Variants in KIF16B observed in about 807,000 individuals in gnomAD.
KIF16B encodes the protein kinesin-like protein KIF16B.
KIF16B carries 98 observed loss-of-function variants against 156.3 expected under a neutral mutation model. The observed-to-expected ratio is 0.63, with a 90% CI of 0.53 to 0.74. The LOEUF (loss-of-function observed/expected upper bound fraction) is 0.74. Ranked by LOEUF, KIF16B falls within the 30% of genes least tolerant of loss-of-function variation. The pLI is 0.00. For missense variants in KIF16B, 1,421 were observed against 1,606.5 expected (o/e 0.88, Z 1.97); for synonymous variants, 564 against 583.7 (o/e 0.97, Z 0.49).
rs80238722 is a variant in KIF16B at position 16,543,794 on chromosome 20, A to G, written c.48-15354T>C. 4.0e-3 allele frequency among the ~76,000 whole-genome samples: 616 copies of G among 152,290 alleles called. 8 individuals carry two copies. The highest frequency in any genetic ancestry group is 0.014 in the African/African-American group (584 of 41,560). On this transcript the variant is annotated intron_variant, in intron 1 of 25. Coordinates refer to ENST00000354981, the MANE Select transcript of KIF16B (RefSeq NM_024704.5). Reference sequence around the variant, plus strand: ...GACAAGAGATGGACTTGGAAGAAGGAGACTTAGCCCATGACATCACCTCAC... The same window carrying G: ...GACAAGAGATGGACTTGGAAGAAGGGGACTTAGCCCATGACATCACCTCAC...
At chr20:16,326,562 T>G (rs564581000) in intron 24 of KIF16B, among the ~76,000 whole-genome samples, 4 of 151,894 alleles carry the variant, frequency 2.6e-5, no homozygotes, top group Admixed American at 1.3e-4. Context: ...AACAAACTTA[T>G]GAAAAAATGC....
intron 23 of KIF16B, among the ~76,000 whole-genome samples, chr20:16,351,712 C>T (rs748379761): frequency 1.3e-5 from 2 of 152,184 alleles, no homozygotes; most frequent in African/African-American, 4.8e-5. Flanking sequence ...CAGTCCCAGA[C>T]GGATGTGCTA....
rs368004941 is a variant in KIF16B at position 16,341,108 on chromosome 20, A to G, written c.3622-5093T>C. Among the ~76,000 whole-genome samples the G allele has an allele frequency of 9.5e-4, 144 of 152,312 alleles. 5 individuals carry two copies. In the South Asian group the frequency reaches 0.029, roughly 31 times the overall value. On this transcript the variant is annotated intron_variant, in intron 23 of 25. Coordinates refer to ENST00000354981, the MANE Select transcript of KIF16B (RefSeq NM_024704.5). ...GAGAAAGAAAGATGGCCCAATGTGG[A>G]AAGAACTTAGCCTGCCCAAAGCTAC...
In KIF16B at chr20:16,437,492, A is replaced by G. The variant is rs118033620; in HGVS notation, c.1303-7510T>C. On this transcript the variant is annotated intron_variant, in intron 12 of 25. Transcript: ENST00000354981. The stretch of plus-strand genomic sequence containing the variant: ...GTATAGGGTGAATAAGAACAGAGTA[A>G]AAAGGGGGATGGGATTAGAATGGAA... 3.0e-4 allele frequency among the ~76,000 whole-genome samples: 45 copies of G among 152,294 alleles called. No individual in the cohort carries two copies. In the East Asian group the frequency reaches 7.9e-3, roughly 27 times the overall value.
chr20:16,474,641 C>T (rs1392609510), intron 12 of KIF16B, among the ~76,000 whole-genome samples: 1 of 152,162 alleles, frequency 6.6e-6, no homozygotes, highest in Admixed American at 6.5e-5. Flanking sequence ...TACTCCTTTG[C>T]CCTTCCCCAT....
At position 16,315,111 on chromosome 20, in the gene KIF16B, A is replaced by G. The variant is rs577661456; in HGVS notation, c.3712-2693T>C. On this transcript the variant is annotated intron_variant, in intron 24 of 25. Transcript: ENST00000354981. ...CAATCAGAAGTCGTGCAATAAAAGG[A>G]CTTTAGGCAGTGGAAGCGGGGAGGG... is the stretch of plus-strand genomic sequence containing the variant. Among the ~76,000 whole-genome samples the G allele has an allele frequency of 2.6e-5, 4 of 152,174 alleles. No homozygotes were observed. The South Asian group carries it at 8.3e-4, about 32-fold the overall frequency.
intron 17 of KIF16B, among the ~76,000 whole-genome samples, chr20:16,392,983 G>T (rs906127183): frequency 6.6e-6 from 1 of 152,108 alleles, no homozygotes; most frequent in Non-Finnish European, 1.5e-5. Context: ...TTAATGATTA[G>T]TCAAAAGTTA....
intron 1 of KIF16B, among the ~76,000 whole-genome samples, chr20:16,555,664 G>A (rs2070820569): frequency 6.6e-6 from 1 of 152,162 alleles, no homozygotes; most frequent in African/African-American, 2.4e-5. Context: ...TAAGAAGATG[G>A]TATAGAAAAA....
chr20:16,456,655 T>C (rs1211228493), intron 12 of KIF16B, among the ~76,000 whole-genome samples: 1 of 152,136 alleles, frequency 6.6e-6, no homozygotes, highest in African/African-American at 2.4e-5. Flanking sequence ...TGTACCCAGA[T>C]TGGACCTTAA....
At chr20:16,508,127 G>A (rs770316848) in intron 6 of KIF16B, 27 bp from the exon 7 acceptor site, 1 of 1,610,190 alleles carries the variant, frequency 6.2e-7, no homozygotes, top group African/African-American at 1.3e-5. Flanking sequence ...AAGGGGTGAA[G>A]AAATCCCCCT....
rs778636785 is a variant in KIF16B, at chr20:16,497,639, C to T, written c.1216G>A (p.Glu406Lys). 1.2e-6 allele frequency: 2 copies of T among 1,611,658 alleles called. No homozygotes were observed. Among genetic ancestry groups the T allele is most frequent in the Non-Finnish European group, 8.5e-7 (1 of 1,177,998 alleles). Reference protein sequence around the residue: ...LDSPTALSMEEKLQQNEARVQ... With the variant: ...LDSPTALSMEKKLQQNEARVQ... Reference sequence around the variant, plus strand: ...CTTGCTTCATTCTGCTGAAGTTTTTCCTCCATACTTAAAGCTGTGGGGGAG... The same window carrying T: ...CTTGCTTCATTCTGCTGAAGTTTTTTCTCCATACTTAAAGCTGTGGGGGAG... Residue 406 changes from glutamate to lysine, a missense_variant, in exon 11 of 26, where the codon GAA (glutamate) becomes AAA (lysine). Transcript: ENST00000354981.
chr20:16,290,552 G>C (rs2063299835), intron 25 of KIF16B, among the ~76,000 whole-genome samples: 1 of 152,032 alleles, frequency 6.6e-6, no homozygotes, highest in Non-Finnish European at 1.5e-5. Context: ...CCTGTGTTTT[G>C]TTCTCTGGAC....
intron 1 of KIF16B, among the ~76,000 whole-genome samples, chr20:16,558,277 A>C (rs1409174436): frequency 6.6e-6 from 1 of 152,224 alleles, no homozygotes; most frequent in Non-Finnish European, 1.5e-5. Context: ...CCTGTTGGGT[A>C]TAGAATTGTT....
chr20:16,508,880 A>G (rs904018263), intron 6 of KIF16B, among the ~76,000 whole-genome samples: 45 of 152,234 alleles, frequency 3.0e-4, no homozygotes, highest in African/African-American at 1.1e-3. Flanking sequence ...AAATTATTTT[A>G]TTAACTTTTT....
intron 15 of KIF16B, among the ~76,000 whole-genome samples, chr20:16,412,482 T>C (rs1028910196): frequency 6.6e-6 from 1 of 152,150 alleles, no homozygotes; most frequent in African/African-American, 2.4e-5. Flanking sequence ...CTGGGTAATT[T>C]ATAAAGTAAA....
At chr20:16,343,296 T>C (rs2064173466) in intron 23 of KIF16B, among the ~76,000 whole-genome samples, 1 of 152,196 alleles carries the variant, frequency 6.6e-6, no homozygotes, top group Admixed American at 6.5e-5. Flanking sequence ...TTCCCACAAA[T>C]TTATGTTATA....
At chr20:16,442,740 G>T (rs12624939) in intron 12 of KIF16B, among the ~76,000 whole-genome samples, 1,876 of 152,234 alleles carry the variant, frequency 0.012, 33 homozygotes, top group African/African-American at 0.03. Context: ...GATGTTAGAG[G>T]TTAATCCCTA....
At chr20:16,352,394 A>G (rs974604535) in intron 23 of KIF16B, among the ~76,000 whole-genome samples, 2 of 152,242 alleles carry the variant, frequency 1.3e-5, no homozygotes, top group Non-Finnish European at 2.9e-5. Flanking sequence ...GGTATAGAAG[A>G]CAGTCCTTTT....
At chr20:16,300,236 G>C (rs1490219498) in intron 25 of KIF16B, among the ~76,000 whole-genome samples, 1 of 152,144 alleles carries the variant, frequency 6.6e-6, no homozygotes, top group Non-Finnish European at 1.5e-5. Context: ...GGAAGAACAA[G>C]TGAATAAATA....
Sources: gnomAD v4.1 joint callset for allele counts (sites outside exome capture counted in the v4.1 genomes callset) on GRCh38, gnomAD v4.1.1 for gene constraint, MANE v1.5 for transcripts, NCBI Gene and HGNC (gene_info 2026-07-23, HGNC 2026-07-21) for gene names.